GPAM: variants seen among roughly 807,000 people sequenced by gnomAD.
GPAM encodes the protein glycerol-3-phosphate acyltransferase 1, mitochondrial.
GPAM carries 56 observed loss-of-function variants against 105.0 expected under a neutral mutation model. The ratio of observed to expected loss-of-function variants is 0.53; its 90% CI spans 0.43 to 0.67. GPAM has a LOEUF of 0.67. Ranked by LOEUF, GPAM falls within the 30% of genes least tolerant of loss-of-function variation. The pLI, the probability that GPAM is intolerant of heterozygous loss-of-function variation, is 0.00. For synonymous variants in GPAM, 368 were observed against 354.4 expected, an observed-to-expected ratio of 1.04 and a Z score of -0.43; for missense variants, 855 against 989.8, an observed-to-expected ratio of 0.86 and a Z score of 1.83.
intron 14 of GPAM, 99 bp downstream of exon 14, chr10:112,163,602 A>G (rs1377898327): frequency 2.8e-6 from 2 of 715,002 alleles, no homozygotes; most frequent in Non-Finnish European, 5.2e-6. Flanking sequence ...AATTAATAGA[A>G]GTGGAAACTA....
chr10:112,213,279 T>C (rs1847932994), intron 1 of GPAM, among the ~76,000 whole-genome samples: 1 of 152,202 alleles, frequency 6.6e-6, no homozygotes, highest in Non-Finnish European at 1.5e-5. Flanking sequence ...AGTCTGCCAT[T>C]TACTGTGTTA....
Position 112,160,618 on chromosome 10 carries a change from A to G in GPAM, c.1745T>C (p.Met582Thr). The G allele has an allele frequency of 6.2e-7, 1 of 1,613,484 alleles. No individual in the cohort carries two copies. The highest frequency in any genetic ancestry group is 8.5e-7 in the Non-Finnish European group (1 of 1,179,372). Residue 582 changes from methionine to threonine, a missense_variant, in exon 16 of 22, where the codon ATG (methionine) becomes ACG (threonine). Physicochemically the swap from Met to Thr is moderately conservative, Grantham distance 81 (BLOSUM62 -1). Transcript: ENST00000348367. The part of the protein sequence containing the change: ...YSNGVLHVFI[M>T]EAIIACSLYA... ...GTCTGACATACCTATGATGGCCTCC[A>G]TGATAAAGACATGAAGTACCCCATT...
At chr10:112,181,912 A>T in intron 2 of GPAM, 99 bp from the exon 3 acceptor site, 1 of 678,682 alleles carries the variant, frequency 1.5e-6, no homozygotes, top group South Asian at 1.6e-5. Context: ...CCACAATGGG[A>T]TATCACATGA....
At chr10:112,220,508 A>G in the GPAM span, among the ~76,000 whole-genome samples, 5 of 152,218 alleles carry the variant, frequency 3.3e-5, no homozygotes, top group East Asian at 5.8e-4. Flanking sequence ...GCTTTTAGCT[A>G]TATGTGTTTT....
chr10:112,151,743 G>A lies in GPAM; in HGVS notation c.*1807C>T, dbSNP rs1298772525. 4.1e-6 allele frequency: 4 copies of A among 984,976 alleles called. No individual in the cohort carries two copies. The highest frequency in any genetic ancestry group is 4.8e-6 in the Non-Finnish European group (4 of 829,662). 61.0% of individuals were successfully genotyped at this position (984,976 alleles called of 1,614,324 possible). On this transcript the variant is annotated 3_prime_UTR_variant, in exon 22 of 22. Coordinates refer to ENST00000348367, the MANE Select transcript of GPAM (RefSeq NM_001244949.2). ...ATCCTTAATTTACAATTTAAAGGAT[G>A]AAAAAAAGAGACTAGTGAAATGTTT...
Position 112,151,960 on chromosome 10 carries a change from G to T in GPAM, c.*1590C>A. 1 of 980,970 alleles carries T rather than the reference G, an allele frequency of 1.0e-6. No individual in the cohort carries two copies. Among genetic ancestry groups the T allele is most frequent in the South Asian group, 4.7e-5 (1 of 21,188 alleles). The allele number at this position is 980,970 out of a possible 1,614,324, so 60.8% of individuals were successfully genotyped here. On this transcript the variant is annotated 3_prime_UTR_variant, in exon 22 of 22. Coordinates refer to ENST00000348367, the MANE Select transcript of GPAM (RefSeq NM_001244949.2). ...TATAAAGAAAAAATATATTTTAAAT[G>T]CAGAACTTGAGAGGGATCACAACAG...
At chr10:112,204,843 AG>A (rs1847841390) in intron 1 of GPAM, among the ~76,000 whole-genome samples, 1 of 134,614 alleles carries the variant, frequency 7.4e-6, no homozygotes. Context: ...AAGGAAATAA[AG>A]GGTATTCAAT....
the GPAM span, among the ~76,000 whole-genome samples, chr10:112,225,905 A>G: frequency 1.3e-5 from 2 of 152,198 alleles, no homozygotes; most frequent in African/African-American, 2.4e-5. Context: ...TTAAATCGAT[A>G]TAATGAATAA....
Position 112,161,746 on chromosome 10 carries a change from C to A in GPAM, c.1424-9G>T. 1 of 1,613,274 alleles carries A rather than the reference C, an allele frequency of 6.2e-7. No individual in the cohort carries two copies. The highest frequency in any genetic ancestry group is 8.5e-7 in the Non-Finnish European group (1 of 1,179,222). Reference sequence around the variant, plus strand: ...ACAGGACTTGCTAGCAGCTGGAAGGCAAACACAAAGCTTTTTTTAGTTGCA... The same window carrying A: ...ACAGGACTTGCTAGCAGCTGGAAGGAAAACACAAAGCTTTTTTTAGTTGCA... On this transcript the variant is annotated splice_polypyrimidine_tract_variant and intron_variant, in intron 14 of 21. Transcript: ENST00000348367.
At position 112,150,710 on chromosome 10, in the gene GPAM, C is replaced by T; in HGVS notation, c.*2840G>A. On this transcript the variant is annotated 3_prime_UTR_variant, in exon 22 of 22. Transcript: ENST00000348367. Reference sequence around the variant, plus strand: ...TTCACTACCGGATGCCAAGCCCTTACTGCGCTAAAGTGCATTGTAAGTTTC... The same window carrying T: ...TTCACTACCGGATGCCAAGCCCTTATTGCGCTAAAGTGCATTGTAAGTTTC... The T allele has an allele frequency of 2.1e-6, 2 of 970,792 alleles. No homozygotes were observed. The highest frequency in any genetic ancestry group is 2.4e-6 in the Non-Finnish European group (2 of 816,570). The allele number at this position is 970,792 out of a possible 1,614,324, so 60.1% of individuals were successfully genotyped here.
intron 1 of GPAM, among the ~76,000 whole-genome samples, chr10:112,214,068 C>T (rs1256653206): frequency 6.6e-6 from 1 of 152,106 alleles, no homozygotes; most frequent in Non-Finnish European, 1.5e-5. Flanking sequence ...GTGAAAGCTC[C>T]CTGAGGACCA....
Position 112,181,159 on chromosome 10 carries a change from A to G in GPAM, c.102+524T>C, listed in dbSNP as rs78619117. Among the ~76,000 whole-genome samples, 669 of 151,732 alleles carry G rather than the reference A, an allele frequency of 4.4e-3. 5 individuals are homozygous for G. Among genetic ancestry groups the G allele is most frequent in the African/African-American group, 0.015 (637 of 41,456 alleles). Reference sequence around the variant, plus strand: ...GCTCAGTTGCTCACATCTCTGTTATACAGATATAACATTCTCAAAATTAAG... The same window carrying G: ...GCTCAGTTGCTCACATCTCTGTTATGCAGATATAACATTCTCAAAATTAAG... On this transcript the variant is annotated intron_variant, in intron 3 of 21. Transcript: ENST00000348367.
chr10:112,173,125 C>T (rs1847341794), intron 7 of GPAM, 59 bp from the exon 8 acceptor site: 1 of 937,228 alleles, frequency 1.1e-6, no homozygotes, highest in Admixed American at 1.7e-5. Context: ...TTTTTACATA[C>T]AAGCACATAC....
chr10:112,149,873 A>G lies in GPAM; in HGVS notation c.*3677T>C, dbSNP rs1846884977. On this transcript the variant is annotated 3_prime_UTR_variant, in exon 22 of 22. Coordinates refer to ENST00000348367, the MANE Select transcript of GPAM (RefSeq NM_001244949.2). ...ATCAAACACATCAAGAGTATGTTCA[A>G]TTTTTGGTTTATTAAAACAAAACTA... 1.0e-6 allele frequency: 1 copy of G among 963,948 alleles called. No homozygotes were observed. The highest frequency in any genetic ancestry group is 1.2e-6 in the Non-Finnish European group (1 of 810,126). 59.7% of individuals were successfully genotyped at this position (963,948 alleles called of 1,614,324 possible). A position where few individuals can be genotyped will look rare whatever the true frequency, so the allele number is the denominator to read the frequency against.
chr10:112,221,334 A>G, the GPAM span, among the ~76,000 whole-genome samples: 1 of 152,158 alleles, frequency 6.6e-6, no homozygotes, highest in Non-Finnish European at 1.5e-5. Context: ...GTGAGAGCCA[A>G]TCCTCCAGAT....
chr10:112,186,591 T>G (rs1357803862), upstream of GPAM, among the ~76,000 whole-genome samples: 2 of 152,064 alleles, frequency 1.3e-5, no homozygotes, highest in Non-Finnish European at 2.9e-5. Flanking sequence ...CAGGCTGGAG[T>G]GCAGTGGTGC....
In GPAM at chr10:112,168,917, C is replaced by T; in HGVS notation, c.830G>A (p.Arg277Gln). Reference protein sequence around the residue: ...LIHKLGGFFIRRRLDETPDGR... With the variant: ...LIHKLGGFFIQRRLDETPDGR... The stretch of plus-strand genomic sequence containing the variant: ...ATCTGGTGTTTCATCGAGCCTTCGT[C>T]GTATGAAGAAGCCCCCAAGCTTATG... Residue 277 changes from arginine to glutamine, a missense_variant, in exon 10 of 22, where the codon CGA becomes CAA. Arg to Gln is a conservative substitution (Grantham distance 43). Transcript: ENST00000348367. 2.5e-6 allele frequency: 4 copies of T among 1,611,272 alleles called. No individual in the cohort carries two copies. Among genetic ancestry groups the T allele is most frequent in the Non-Finnish European group, 3.4e-6 (4 of 1,177,500 alleles).
Position 112,152,313 on chromosome 10 carries a change from A to G in GPAM, c.*1237T>C. 3 of 984,878 alleles carry G rather than the reference A, an allele frequency of 3.0e-6. No individual in the cohort carries two copies. The highest frequency in any genetic ancestry group is 3.6e-6 in the Non-Finnish European group (3 of 829,420). The allele number at this position is 984,878 out of a possible 1,614,324, so 61.0% of individuals were successfully genotyped here. A position where few individuals can be genotyped will look rare whatever the true frequency, so the allele number is the denominator to read the frequency against. On this transcript the variant is annotated 3_prime_UTR_variant, in exon 22 of 22. Transcript: ENST00000348367. ...CCAATAATTATGCTCCCTGCTCACA[A>G]AAGGCACCTACCAATTATGAACAGA...
chr10:112,217,584 G>T (rs1408002323), upstream of GPAM, among the ~76,000 whole-genome samples: 3 of 152,232 alleles, frequency 2.0e-5, no homozygotes, highest in East Asian at 5.8e-4. Flanking sequence ...TCATTAAAGG[G>T]CTTCTCTCCC....
Sources: gnomAD v4.1 joint callset for allele counts (sites outside exome capture counted in the v4.1 genomes callset) on GRCh38, gnomAD v4.1.1 for gene constraint, MANE v1.5 for transcripts, NCBI Gene and HGNC (gene_info 2026-07-23, HGNC 2026-07-21) for gene names.